The following GRAMD1B variants were observed in gnomAD, a reference collection of about 807,000 sequenced individuals.
GRAMD1B encodes protein Aster-B.
GRAMD1B carries 37 observed loss-of-function variants against 99.7 expected under a neutral mutation model. That is an observed-to-expected ratio of 0.37 (90% CI 0.29 to 0.49). GRAMD1B has a LOEUF of 0.49. Ranked by LOEUF, GRAMD1B falls within the 20% of genes least tolerant of loss-of-function variation. The pLI, the probability that GRAMD1B is intolerant of heterozygous loss-of-function variation, is 0.98. For missense variants in GRAMD1B, 888 were observed against 1,009.2 expected, an observed-to-expected ratio of 0.88 and a Z score of 1.63; for synonymous variants, 427 against 387.6, an observed-to-expected ratio of 1.10 and a Z score of -1.19.
intron 1 of GRAMD1B, among the ~76,000 whole-genome samples, chr11:123,402,994 T>G (rs1947722796): frequency 6.6e-6 from 1 of 151,208 alleles, no homozygotes. Flanking sequence ...CATCTTACTG[T>G]AAAATAAAAC....
At chr11:123,541,176 A>G (rs1231170561) in intron 2 of GRAMD1B, among the ~76,000 whole-genome samples, 1 of 151,986 alleles carries the variant, frequency 6.6e-6, no homozygotes, top group Non-Finnish European at 1.5e-5. Flanking sequence ...GAGTTTCTCC[A>G]TGTTGGTCAG....
intron 2 of GRAMD1B, among the ~76,000 whole-genome samples, chr11:123,491,070 C>A (rs373109865): frequency 6.6e-6 from 1 of 152,264 alleles, no homozygotes; most frequent in South Asian, 2.1e-4. Context: ...CAGTGGCTCA[C>A]GCCTGTAATC....
intron 1 of GRAMD1B, among the ~76,000 whole-genome samples, chr11:123,445,618 C>A (rs1347930612): frequency 1.3e-5 from 2 of 151,988 alleles, no homozygotes; most frequent in Non-Finnish European, 2.9e-5. Flanking sequence ...GAGTTTGAGA[C>A]CAGCCTGGCC....
At chr11:123,415,595 A>C (rs923678137) in intron 1 of GRAMD1B, among the ~76,000 whole-genome samples, 2 of 151,946 alleles carry the variant, frequency 1.3e-5, no homozygotes, top group Non-Finnish European at 2.9e-5. Flanking sequence ...TTTATCATTA[A>C]GGTCTTTGAT....
chr11:123,601,518 T>C (rs548753322), intron 8 of GRAMD1B, among the ~76,000 whole-genome samples: 24 of 14,842 alleles, frequency 1.6e-3, no homozygotes, highest in South Asian at 7.8e-3. Context: ...AATTTTTATG[T>C]GTGTGTGTGT....
intron 1 of GRAMD1B, among the ~76,000 whole-genome samples, chr11:123,471,077 T>C (rs968308895): frequency 1.3e-5 from 2 of 152,210 alleles, no homozygotes; most frequent in Admixed American, 6.5e-5. Flanking sequence ...TTGGGAGTTA[T>C]CAGCATATTC....
intron 1 of GRAMD1B, among the ~76,000 whole-genome samples, chr11:123,432,928 C>T (rs1194996852): frequency 3.3e-5 from 5 of 152,172 alleles, no homozygotes; most frequent in African/African-American, 1.2e-4. Flanking sequence ...GGTGCAGATA[C>T]AGAGCTTTGT....
intron 7 of GRAMD1B, chr11:123,598,925 G>C: frequency 8.9e-7 from 1 of 1,128,662 alleles, no homozygotes; most frequent in Non-Finnish European, 1.4e-6. Context: ...CATTCCTCCT[G>C]TCTTTAGGAA....
rs549560391 is a variant in GRAMD1B, at chr11:123,618,758, C to T, written c.2384C>T (p.Thr795Met). The T allele has an allele frequency of 1.1e-5, 18 of 1,583,220 alleles. No individual in the cohort carries two copies. Among genetic ancestry groups the T allele is most frequent in the Middle Eastern group, 1.7e-4 (1 of 6,028 alleles). The change falls in exon 18 of 20, where the codon ACG becomes ATG. Residue 795 changes from threonine (T) to methionine (M), a missense_variant. Around this residue, in one of 5 missense-constraint regions of GRAMD1B, gnomAD observed 232 missense variants for 261.7 expected, o/e 0.89. Transcript: ENST00000635736. The stretch of plus-strand genomic sequence containing the variant: ...AAACTCTGGATGTTGGAATACACCA[C>T]GCAGACCCTCACTGCCTGGCAGGGT... ...FYKLWMLEYT[T>M]QTLTAWQGLR...
At chr11:123,359,916 T>C (rs1209914407) in intron 1 of GRAMD1B, among the ~76,000 whole-genome samples, 1 of 152,132 alleles carries the variant, frequency 6.6e-6, no homozygotes. Flanking sequence ...GAGATACAAA[T>C]AGTATTTTTA....
At chr11:123,366,040 C>T (rs1043375213) in intron 1 of GRAMD1B, among the ~76,000 whole-genome samples, 2 of 152,212 alleles carry the variant, frequency 1.3e-5, no homozygotes, top group African/African-American at 4.8e-5. Flanking sequence ...ATTTAAGCCT[C>T]TATAAATTGG....
At chr11:123,621,001 G>A (rs1955062716) in intron 19 of GRAMD1B, among the ~76,000 whole-genome samples, 1 of 152,162 alleles carries the variant, frequency 6.6e-6, no homozygotes, top group South Asian at 2.1e-4. Context: ...ATTTCAGAAT[G>A]GGGCCCTTTA....
chr11:123,439,255 G>A (rs1949300794), intron 1 of GRAMD1B, among the ~76,000 whole-genome samples: 1 of 152,172 alleles, frequency 6.6e-6, no homozygotes, highest in South Asian at 2.1e-4. Context: ...ACTCAGAACA[G>A]AAAATCGAAT....
intron 1 of GRAMD1B, among the ~76,000 whole-genome samples, chr11:123,361,064 C>T (rs1245445069): frequency 2.0e-5 from 3 of 152,110 alleles, no homozygotes; most frequent in Non-Finnish European, 4.4e-5. Context: ...GATCCACCCA[C>T]CTCAGCCTCC....
rs201714503 is a variant in GRAMD1B at position 123,471,816 on chromosome 11, G to A, written c.375-9000G>A. ...TCATTTTTAAGCTTTTTAAAAATAC[G>A]TATACCTGGACAGGTTCATACTCCG... is the stretch of plus-strand genomic sequence containing the variant. On this transcript the variant is annotated intron_variant, in intron 1 of 19. Transcript: ENST00000635736. 5.9e-5 allele frequency among the ~76,000 whole-genome samples: 9 copies of A among 152,292 alleles called. No homozygotes were observed. The East Asian group carries it at 1.5e-3, about 26-fold the overall frequency.
At chr11:123,583,096 G>GTGTGTATA (rs1329254545) in intron 3 of GRAMD1B, among the ~76,000 whole-genome samples, 2 of 152,120 alleles carry the variant, frequency 1.3e-5, no homozygotes, top group African/African-American at 4.8e-5. Flanking sequence ...GTATGTGCCT[G>GTGTGTATA]TGTGTATATG....
At chr11:123,407,120 T>C (rs1947881478) in intron 1 of GRAMD1B, among the ~76,000 whole-genome samples, 1 of 152,216 alleles carries the variant, frequency 6.6e-6, no homozygotes, top group South Asian at 2.1e-4. Flanking sequence ...TGTCTTTCCA[T>C]AAAATGGGAA....
chr11:123,444,778 G>A (rs1173111305), intron 1 of GRAMD1B, among the ~76,000 whole-genome samples: 1 of 152,120 alleles, frequency 6.6e-6, no homozygotes, highest in East Asian at 1.9e-4. Context: ...CAACCCAGAA[G>A]CTCAGCAAAG....
At chr11:123,580,272 C>T (rs975054627) in intron 3 of GRAMD1B, among the ~76,000 whole-genome samples, 3 of 152,150 alleles carry the variant, frequency 2.0e-5, no homozygotes, top group African/African-American at 7.2e-5. Context: ...CTTTGAAGGC[C>T]AGGGCCTGAA....
Sources: allele counts gnomAD v4.1 joint callset (sites outside exome capture counted in the v4.1 genomes callset), GRCh38; gene constraint gnomAD v4.1.1; regional missense constraint gnomAD v4.1.1; transcripts MANE v1.5; gene names NCBI Gene and HGNC (gene_info 2026-07-23, HGNC 2026-07-21).